The following SCAPER variants were observed in gnomAD, a reference collection of about 807,000 sequenced individuals.
SCAPER encodes the protein S phase cyclin A-associated protein in the endoplasmic reticulum.
SCAPER carries 98 observed loss-of-function variants against 182.2 expected under a neutral mutation model. The ratio of observed to expected loss-of-function variants is 0.54; its 90% CI spans 0.46 to 0.64. The LOEUF (loss-of-function observed/expected upper bound fraction) is 0.64. Among genes scored for constraint, SCAPER ranks in the 30% least tolerant of loss-of-function variants. The probability of loss-of-function intolerance (pLI) is 0.00; values close to 1 mark genes in which losing one functional copy is unlikely to be tolerated. For missense variants in SCAPER, 1,432 were observed against 1,690.0 expected (o/e 0.85, Z 2.68); for synonymous variants, 605 against 564.6 (o/e 1.07, Z -1.01).
intron 21 of SCAPER, among the ~76,000 whole-genome samples, chr15:76,651,031 T>C (rs1394031846): frequency 2.0e-5 from 3 of 151,962 alleles, no homozygotes; most frequent in Admixed American, 6.6e-5. Context: ...AGAGGGAAAG[T>C]GATAGCTATA....
intron 4 of SCAPER, among the ~76,000 whole-genome samples, chr15:76,849,943 G>A (rs1646776595): frequency 6.6e-6 from 1 of 152,144 alleles, no homozygotes; most frequent in African/African-American, 2.4e-5. Flanking sequence ...CAGGGGAAAT[G>A]CTGGACACCT....
intron 1 of SCAPER, among the ~76,000 whole-genome samples, chr15:76,893,108 G>C (rs534730704): frequency 2.6e-4 from 40 of 152,238 alleles, no homozygotes; most frequent in African/African-American, 9.4e-4. Context: ...ACTCATCCTT[G>C]GGATGGTAAT....
At chr15:76,495,181 A>AT (rs1020885963) in intron 24 of SCAPER, among the ~76,000 whole-genome samples, 5 of 151,856 alleles carry the variant, frequency 3.3e-5, no homozygotes, top group African/African-American at 1.2e-4. Flanking sequence ...TACCAGAGCA[A>AT]TTTTTTCTTA....
intron 5 of SCAPER, among the ~76,000 whole-genome samples, chr15:76,828,223 TTATATAA>T (rs1055028027): frequency 2.0e-5 from 3 of 150,192 alleles, no homozygotes; most frequent in African/African-American, 7.3e-5. Context: ...TTGTATATAT[TTATATAA>T]TATATAATTA....
At chr15:76,826,882 G>A (rs1360881259) in intron 5 of SCAPER, among the ~76,000 whole-genome samples, 1 of 152,080 alleles carries the variant, frequency 6.6e-6, no homozygotes. Context: ...TAGTTTTACA[G>A]CTTCCCATCA....
At chr15:76,505,801 C>A (rs1303573780) in intron 23 of SCAPER, among the ~76,000 whole-genome samples, 3 of 152,114 alleles carry the variant, frequency 2.0e-5, no homozygotes, top group African/African-American at 7.2e-5. Context: ...CCCATATTTA[C>A]TACAGCACTA....
intron 21 of SCAPER, among the ~76,000 whole-genome samples, chr15:76,662,066 C>A (rs763684143): frequency 6.6e-6 from 1 of 152,090 alleles, no homozygotes; most frequent in African/African-American, 2.4e-5. Context: ...TCATCCTCAG[C>A]GAACTAATGC....
chr15:76,697,595 GTAAAT>G (rs973110617), intron 20 of SCAPER, among the ~76,000 whole-genome samples: 4 of 151,726 alleles, frequency 2.6e-5, no homozygotes, highest in South Asian at 2.1e-4. Flanking sequence ...AGTTTTTTTT[GTAAAT>G]TAAATAATAT....
chr15:76,874,470 T>C (rs2073005838), intron 2 of SCAPER, among the ~76,000 whole-genome samples: 2 of 150,224 alleles, frequency 1.3e-5, no homozygotes, highest in South Asian at 4.2e-4. Flanking sequence ...GACCAACATG[T>C]GATACAGAAA....
chr15:76,732,857 G>A (rs760459526), intron 16 of SCAPER, among the ~76,000 whole-genome samples: 13 of 152,280 alleles, frequency 8.5e-5, no homozygotes, highest in East Asian at 3.9e-4. Context: ...AAATAATGGC[G>A]TAAGCTGTCT....
intron 25 of SCAPER, among the ~76,000 whole-genome samples, chr15:76,443,319 A>G (rs2047751336): frequency 6.6e-6 from 1 of 152,252 alleles, no homozygotes; most frequent in Non-Finnish European, 1.5e-5. Flanking sequence ...TGGAAGCACA[A>G]AGAAAGATAA....
intron 21 of SCAPER, among the ~76,000 whole-genome samples, chr15:76,634,466 T>A (rs2146289746): frequency 6.6e-6 from 1 of 152,324 alleles, no homozygotes; most frequent in South Asian, 2.1e-4. Context: ...ATTAGCTTGT[T>A]CATTTCTACA....
At chr15:76,492,642 G>T (rs1411403868) in intron 24 of SCAPER, among the ~76,000 whole-genome samples, 1 of 152,100 alleles carries the variant, frequency 6.6e-6, no homozygotes, top group East Asian at 1.9e-4. Flanking sequence ...AAAACTAGAA[G>T]ATATTAAATT....
intron 8 of SCAPER, among the ~76,000 whole-genome samples, chr15:76,780,945 A>C (rs1427134572): frequency 6.6e-6 from 1 of 152,196 alleles, no homozygotes; most frequent in Non-Finnish European, 1.5e-5. Flanking sequence ...AGAGCAGAAA[A>C]GCTGAAAATT....
At chr15:76,841,255 G>A (rs2069448336) in intron 5 of SCAPER, among the ~76,000 whole-genome samples, 3 of 152,144 alleles carry the variant, frequency 2.0e-5, no homozygotes, top group Admixed American at 2.0e-4. Context: ...GAAGCATAAT[G>A]CTGATGTTAG....
intron 26 of SCAPER, among the ~76,000 whole-genome samples, chr15:76,425,355 T>C (rs2046349021): frequency 6.6e-6 from 1 of 152,228 alleles, no homozygotes; most frequent in South Asian, 2.1e-4. Flanking sequence ...TCTCGCTTCA[T>C]TTCATTCATT....
intron 3 of SCAPER, among the ~76,000 whole-genome samples, chr15:76,860,414 C>T (rs1280520369): frequency 1.3e-5 from 2 of 151,990 alleles, no homozygotes; most frequent in East Asian, 3.9e-4. Flanking sequence ...TGATTCAAAA[C>T]AATGTTCTCT....
At chr15:76,356,333 G>A (rs1413070751) in intron 29 of SCAPER, among the ~76,000 whole-genome samples, 1 of 152,162 alleles carries the variant, frequency 6.6e-6, no homozygotes, top group Non-Finnish European at 1.5e-5. Context: ...TGACCTTAAT[G>A]ATCAGGGTTT....
intron 8 of SCAPER, among the ~76,000 whole-genome samples, chr15:76,785,668 A>G (rs2064532247): frequency 6.6e-6 from 1 of 152,220 alleles, no homozygotes; most frequent in Non-Finnish European, 1.5e-5. Flanking sequence ...AAAATGTGGC[A>G]CATACACACC....
Sources: gnomAD v4.1 joint callset for allele counts (sites outside exome capture counted in the v4.1 genomes callset) on GRCh38, gnomAD v4.1.1 for gene constraint, MANE v1.5 for transcripts, NCBI Gene and HGNC (gene_info 2026-07-23, HGNC 2026-07-21) for gene names.